The following NPFFR2 variants were observed in gnomAD, a reference collection of about 807,000 sequenced individuals.
NPFFR2 encodes G-protein coupled receptor 74.
A neutral mutation model predicts 13.1 loss-of-function variants in NPFFR2; 15 were observed. That is an observed-to-expected ratio of 1.15 (90% CI 0.77 to 1.76). NPFFR2 has a LOEUF of 1.76. Among genes scored for constraint, NPFFR2 ranks in the 40% most tolerant of loss-of-function variants. The pLI, the probability that NPFFR2 is intolerant of heterozygous loss-of-function variation, is 0.00. For missense variants in NPFFR2, 572 were observed against 503.5 expected (o/e 1.14, Z -1.30); for synonymous variants, 190 against 175.7 (o/e 1.08, Z -0.65).
intron 1 of NPFFR2, among the ~76,000 whole-genome samples, chr4:72,069,475 G>A (rs995672458): frequency 1.2e-4 from 19 of 152,026 alleles, no homozygotes; most frequent in South Asian, 4.1e-4. Context: ...AAGTCCAACC[G>A]GAAAAATTCT....
At chr4:72,042,630 T>A (rs1390362004) in intron 1 of NPFFR2, among the ~76,000 whole-genome samples, 1 of 152,166 alleles carries the variant, frequency 6.6e-6, no homozygotes, top group Non-Finnish European at 1.5e-5. Context: ...TGTTGGGAAC[T>A]GGAGCAAAGG....
chr4:72,035,482 T>C (rs548349024), intron 1 of NPFFR2, among the ~76,000 whole-genome samples: 1 of 143,820 alleles, frequency 7.0e-6, no homozygotes, highest in Admixed American at 7.2e-5. Context: ...CTCCTTGGTA[T>C]CTTTCCATAG....
chr4:72,039,584 A>G (rs1281635463), intron 1 of NPFFR2, among the ~76,000 whole-genome samples: 2 of 152,212 alleles, frequency 1.3e-5, no homozygotes, highest in African/African-American at 4.8e-5. Context: ...ATTGTTATGG[A>G]TAAAATTCAA....
At chr4:72,039,228 T>A (rs1233059899) in intron 1 of NPFFR2, 1 of 160,822 alleles carries the variant, frequency 6.2e-6, no homozygotes, top group Admixed American at 6.5e-5. Flanking sequence ...CTGGCTAATT[T>A]TTTTGTATTT....
intron 1 of NPFFR2, among the ~76,000 whole-genome samples, chr4:72,114,443 A>G (rs1312310998): frequency 1.3e-5 from 2 of 151,948 alleles, no homozygotes; most frequent in African/African-American, 4.8e-5. Context: ...CTCTTAAATT[A>G]TAGAATGGGG....
chr4:72,142,018 CTTCT>C (rs1273386212), intron 3 of NPFFR2, among the ~76,000 whole-genome samples: 1 of 152,036 alleles, frequency 6.6e-6, no homozygotes, highest in African/African-American at 2.4e-5. Context: ...ATGCAATGGC[CTTCT>C]TTGTCTCTTT....
intron 2 of NPFFR2, among the ~76,000 whole-genome samples, chr4:72,136,159 C>A (rs971937288): frequency 6.6e-6 from 1 of 152,066 alleles, no homozygotes; most frequent in African/African-American, 2.4e-5. Context: ...AGTTCAAAAC[C>A]AGCCTAGGCA....
chr4:72,057,352 GC>G (rs1719783352), intron 1 of NPFFR2, among the ~76,000 whole-genome samples: 1 of 151,856 alleles, frequency 6.6e-6, no homozygotes, highest in Non-Finnish European at 1.5e-5. Context: ...AGTTCCAGAG[GC>G]CAGAAATCTG....
In NPFFR2 at chr4:72,106,893, A is replaced by C. The variant is rs543946770; in HGVS notation, c.-7-21692A>C. Among the ~76,000 whole-genome samples the C allele has an allele frequency of 3.3e-5, 5 of 152,082 alleles. No homozygotes were observed. In the South Asian group the frequency reaches 1.0e-3, roughly 31 times the overall value. ...AAGGAAAGGGAGAAATTTAGCTTCA[A>C]ATATTAGACTTAAAAGGTTAGCAGC... On this transcript the variant is annotated intron_variant, in intron 1 of 3. Coordinates refer to ENST00000308744, the MANE Select transcript of NPFFR2 (RefSeq NM_004885.3).
chr4:72,130,816 A>C (rs1722213810), intron 2 of NPFFR2, among the ~76,000 whole-genome samples: 6 of 152,182 alleles, frequency 3.9e-5, no homozygotes, highest in Non-Finnish European at 8.8e-5. Context: ...AGCTCAGTGG[A>C]GGGTCAGGGT....
intron 1 of NPFFR2, among the ~76,000 whole-genome samples, chr4:72,078,035 G>C (rs377037344): frequency 2.2e-4 from 33 of 152,114 alleles, no homozygotes; most frequent in South Asian, 2.1e-3. Context: ...AAAAATGAGT[G>C]CAATATATTA....
chr4:72,144,445 T>A (rs1050933241), intron 3 of NPFFR2, among the ~76,000 whole-genome samples: 3 of 152,174 alleles, frequency 2.0e-5, no homozygotes, highest in Non-Finnish European at 4.4e-5. Context: ...AACTTGGAAA[T>A]GTTTTAAAAC....
chr4:72,033,844 C>A (rs1208108836), intron 1 of NPFFR2, among the ~76,000 whole-genome samples: 1 of 152,072 alleles, frequency 6.6e-6, no homozygotes, highest in East Asian at 1.9e-4. Context: ...TCACTATAAA[C>A]CAATGAATGA....
chr4:72,072,218 G>A (rs141631362), intron 1 of NPFFR2, among the ~76,000 whole-genome samples: 23 of 152,094 alleles, frequency 1.5e-4, no homozygotes, highest in East Asian at 9.7e-4. Flanking sequence ...AAGGAAAACC[G>A]CACAAACTTC....
At chr4:72,144,220 T>G (rs925755489) in intron 3 of NPFFR2, among the ~76,000 whole-genome samples, 1 of 152,100 alleles carries the variant, frequency 6.6e-6, no homozygotes, top group African/African-American at 2.4e-5. Context: ...GAGCTTTGTC[T>G]CTATTGGTCT....
At chr4:72,101,350 G>A (rs776717142) in intron 1 of NPFFR2, among the ~76,000 whole-genome samples, 1 of 151,756 alleles carries the variant, frequency 6.6e-6, no homozygotes, top group Non-Finnish European at 1.5e-5. Flanking sequence ...CTGTAAAAAC[G>A]ATCAGAATAG....
chr4:72,141,400 G>T (rs988039938), intron 3 of NPFFR2, among the ~76,000 whole-genome samples: 4 of 152,156 alleles, frequency 2.6e-5, no homozygotes, highest in African/African-American at 7.2e-5. Flanking sequence ...GGCATTTAGT[G>T]CTATAAATTT....
At chr4:72,037,172 G>A (rs1337733689) in intron 1 of NPFFR2, among the ~76,000 whole-genome samples, 1 of 151,494 alleles carries the variant, frequency 6.6e-6, no homozygotes, top group East Asian at 1.9e-4. Flanking sequence ...CAGGAGGATC[G>A]CTTGAGCTCA....
chr4:72,088,819 G>A (rs1056509277), intron 1 of NPFFR2, among the ~76,000 whole-genome samples: 12 of 151,918 alleles, frequency 7.9e-5, no homozygotes, highest in African/African-American at 2.9e-4. Context: ...CCCTTGACAT[G>A]TGGGGAAAAC....
Sources: gnomAD v4.1 joint callset for allele counts (sites outside exome capture counted in the v4.1 genomes callset) on GRCh38, gnomAD v4.1.1 for gene constraint, MANE v1.5 for transcripts, NCBI Gene and HGNC (gene_info 2026-07-23, HGNC 2026-07-21) for gene names.